STRIT1: variants seen among roughly 807,000 people sequenced by gnomAD.
The protein encoded by STRIT1 is sarcoplasmic/endoplasmic reticulum calcium ATPase regulator DWORF.
rs5853720 is a variant in STRIT1, at chr3:155,290,393, C to CTTTTTTTTTTTTTTT, written c.*443_*457dup. Reference sequence around the variant, plus strand: ...TTTTTATCTCTAGCCCATTTTCTTTCTTTTTTTTTTTTTTTTTTTTTTTTT... The same window carrying CTTTTTTTTTTTTTTT: ...TTTTTATCTCTAGCCCATTTTCTTTCTTTTTTTTTTTTTTTTTTTTTTTTTTTTTTTTTTTTTTTT... On this transcript the variant is annotated 3_prime_UTR_variant, in exon 3 of 3. Transcript: ENST00000489090. 9.6e-4 allele frequency: 57 copies of CTTTTTTTTTTTTTTT among 59,598 alleles called. 12 individuals carry two copies. Among genetic ancestry groups the CTTTTTTTTTTTTTTT allele is most frequent in the East Asian group, 5.2e-3 (8 of 1,538 alleles). 3.7% of individuals were successfully genotyped at this position (59,598 alleles called of 1,614,324 possible).
At chr3:155,293,575 C>CT (rs141586481) in intron 1 of STRIT1, 45 bp downstream of exon 1, 4,436 of 370,078 alleles carry the variant, frequency 0.012, 10 homozygotes, top group African/African-American at 0.02. Context: ...GTCAAGAAGC[C>CT]TTTTTTTTTT....
At chr3:155,293,146 A>T (rs1053589091) in intron 1 of STRIT1, among the ~76,000 whole-genome samples, 1 of 152,174 alleles carries the variant, frequency 6.6e-6, no homozygotes, top group Non-Finnish European at 1.5e-5. Flanking sequence ...AAATGTTTAA[A>T]AACCAGAAAA....
chr3:155,290,860 C>T lies in STRIT1; in HGVS notation c.*5-14G>A, dbSNP rs1715619045. 1 of 396,080 alleles carries T rather than the reference C, an allele frequency of 2.5e-6. No individual in the cohort carries two copies. Among genetic ancestry groups the T allele is most frequent in the African/African-American group, 2.1e-5 (1 of 48,528 alleles). The allele number at this position is 396,080 out of a possible 1,614,324, so 24.5% of individuals were successfully genotyped here. ...ATATCTTCTTGCCTGAAAGACAAAA[C>T]ATTCCATTAGTAAAATAGAAAAGAT... On this transcript the variant is annotated splice_polypyrimidine_tract_variant and intron_variant, in intron 2 of 2. Coordinates refer to ENST00000489090, the MANE Select transcript of STRIT1 (RefSeq NM_001352129.2).
chr3:155,291,236 T>C (rs1715627327), intron 1 of STRIT1, 198 bp from the exon 2 acceptor site: 1 of 361,380 alleles, frequency 2.8e-6, no homozygotes, highest in South Asian at 1.5e-4. Context: ...AATCAAACCA[T>C]GGGTCTTTTA....
rs1715620607 is a variant in STRIT1 at position 155,290,956 on chromosome 3, A to C, written c.96T>G (p.Val32=). 1 of 398,630 alleles carries C rather than the reference A, an allele frequency of 2.5e-6. No individual in the cohort carries two copies. The highest frequency in any genetic ancestry group is 4.4e-6 in the Non-Finnish European group (1 of 225,884). The allele number at this position is 398,630 out of a possible 1,614,324, so 24.7% of individuals were successfully genotyped here. Residue 32 remains valine, a synonymous_variant, in exon 2 of 3, where the codon GTT becomes GTG. Coordinates refer to ENST00000489090, the MANE Select transcript of STRIT1 (RefSeq NM_001352129.2). ...AACCCTTACCTTTCTAAGAGAAGAC[A>C]ACATAAATCATTATGATGCAGCCCA... The part of the protein sequence containing the change: ...WIVGCIIMIY[V]VFS
chr3:155,290,931 A>T lies in STRIT1; in HGVS notation c.*4+9T>A. The T allele has an allele frequency of 2.5e-6, 1 of 398,606 alleles. No individual in the cohort carries two copies. The highest frequency in any genetic ancestry group is 3.6e-5 in the East Asian group (1 of 27,992). 24.7% of individuals were successfully genotyped at this position (398,606 alleles called of 1,614,324 possible). On this transcript the variant is annotated intron_variant, in intron 2 of 2. Coordinates refer to ENST00000489090, the MANE Select transcript of STRIT1 (RefSeq NM_001352129.2). ...CTATAAATAAACATTCAATTATTAA[A>T]ACCCTTACCTTTCTAAGAGAAGACA...
intron 1 of STRIT1, among the ~76,000 whole-genome samples, chr3:155,292,394 C>A (rs1469368150): frequency 1.3e-5 from 2 of 152,094 alleles, no homozygotes; most frequent in African/African-American, 2.4e-5. Context: ...ATTAAGGTAC[C>A]ATTACAATGG....
rs868560901 is a variant in STRIT1, at chr3:155,290,663, G to C, written c.*188C>G. ...ACATTTTTCTCACTCAGAATATAGA[G>C]AAATTCACTCATAATTTCTTATTGT... is the stretch of plus-strand genomic sequence containing the variant. On this transcript the variant is annotated 3_prime_UTR_variant, in exon 3 of 3. Transcript: ENST00000489090. The C allele has an allele frequency of 4.1e-6, 1 of 243,358 alleles. No individual in the cohort carries two copies. The highest frequency in any genetic ancestry group is 1.8e-4 in the South Asian group (1 of 5,642). The allele number at this position is 243,358 out of a possible 1,614,324, so 15.1% of individuals were successfully genotyped here.
chr3:155,293,551 A>C, intron 1 of STRIT1, 69 bp downstream of exon 1: 1 of 398,038 alleles, frequency 2.5e-6, no homozygotes, highest in Non-Finnish European at 4.4e-6. Flanking sequence ...ACCAAGAAAC[A>C]TAAATGAACC....
intron 1 of STRIT1, among the ~76,000 whole-genome samples, chr3:155,292,507 T>C (rs937608790): frequency 6.6e-6 from 1 of 152,196 alleles, no homozygotes; most frequent in Non-Finnish European, 1.5e-5. Context: ...TAATTGTGCA[T>C]TTATATTTTA....
chr3:155,293,301 C>T (rs1163756763), intron 1 of STRIT1, among the ~76,000 whole-genome samples: 4 of 152,044 alleles, frequency 2.6e-5, no homozygotes, highest in African/African-American at 9.7e-5. Flanking sequence ...TGACACAGAA[C>T]TTAACTGTCT....
intron 1 of STRIT1, among the ~76,000 whole-genome samples, chr3:155,293,372 G>T (rs541995748): frequency 7.9e-5 from 12 of 152,086 alleles, no homozygotes; most frequent in African/African-American, 2.7e-4. Context: ...TTCAAAATAA[G>T]TATTAACAAA....
intron 2 of STRIT1, 35 bp downstream of exon 2, chr3:155,290,905 A>C (rs910096570): frequency 8.0e-5 from 32 of 398,252 alleles, no homozygotes; most frequent in African/African-American, 5.8e-4. Context: ...AGTAATTTAG[A>C]CTATAAATAA....
chr3:155,291,486 A>T (rs981540550), intron 1 of STRIT1, among the ~76,000 whole-genome samples: 2 of 152,184 alleles, frequency 1.3e-5, no homozygotes, highest in African/African-American at 4.8e-5. Context: ...TACAACTCTG[A>T]GGCAATTCCC....
At chr3:155,292,150 A>C (rs1337056788) in intron 1 of STRIT1, among the ~76,000 whole-genome samples, 1 of 152,204 alleles carries the variant, frequency 6.6e-6, no homozygotes, top group Non-Finnish European at 1.5e-5. Flanking sequence ...AACTTTCTGA[A>C]GTTGAAATAA....
At chr3:155,291,225 G>T (rs1715626982) in intron 1 of STRIT1, 187 bp from the exon 2 acceptor site, 1 of 368,984 alleles carries the variant, frequency 2.7e-6, no homozygotes, top group Non-Finnish European at 4.8e-6. Flanking sequence ...TGGGTATTTT[G>T]AATCAAACCA....
intron 1 of STRIT1, among the ~76,000 whole-genome samples, chr3:155,292,710 G>A (rs988242984): frequency 2.0e-5 from 3 of 152,084 alleles, no homozygotes; most frequent in Admixed American, 6.6e-5. Context: ...GTAGAAATAC[G>A]TAAGAGCACA....
chr3:155,292,759 T>C (rs1715666018), intron 1 of STRIT1, among the ~76,000 whole-genome samples: 1 of 152,138 alleles, frequency 6.6e-6, no homozygotes, highest in African/African-American at 2.4e-5. Flanking sequence ...CTAGCACAAA[T>C]AAGAACAAAA....
intron 1 of STRIT1, among the ~76,000 whole-genome samples, chr3:155,291,523 G>T (rs980186334): frequency 6.6e-6 from 1 of 152,068 alleles, no homozygotes; most frequent in Non-Finnish European, 1.5e-5. Context: ...ATAACACAAG[G>T]AAAGGTATTG....
Sources: allele counts gnomAD v4.1 joint callset (sites outside exome capture counted in the v4.1 genomes callset), GRCh38; gene constraint gnomAD v4.1.1; transcripts MANE v1.5; gene names NCBI Gene and HGNC (gene_info 2026-07-23, HGNC 2026-07-21).